UGGT1: variants seen among roughly 807,000 people sequenced by gnomAD.
UGGT1 encodes UDP-glucose:glycoprotein glucosyltransferase 1.
In UGGT1, 107 loss-of-function variants were observed where a neutral mutation model predicts 203.9. The ratio of observed to expected loss-of-function variants is 0.52; its 90% CI spans 0.45 to 0.62. The LOEUF (loss-of-function observed/expected upper bound fraction) is 0.62, where lower values mean the gene tolerates loss of function less well. UGGT1 is among the 20% of genes least tolerant of loss of function. The pLI, the probability that UGGT1 is intolerant of heterozygous loss-of-function variation, is 0.00. For missense variants in UGGT1, 1,673 were observed against 1,867.2 expected, an observed-to-expected ratio of 0.90 and a Z score of 1.92; for synonymous variants, 628 against 653.5, an observed-to-expected ratio of 0.96 and a Z score of 0.59.
At chr2:128,121,634 T>C (rs1236414256) in intron 10 of UGGT1, among the ~76,000 whole-genome samples, 3 of 152,156 alleles carry the variant, frequency 2.0e-5, no homozygotes, top group Non-Finnish European at 2.9e-5. Context: ...CTTGAATGCC[T>C]GACCTCAAGT....
chr2:128,174,742 A>G, intron 30 of UGGT1, 31 bp from the exon 31 acceptor site: 1 of 1,560,678 alleles, frequency 6.4e-7, no homozygotes, highest in East Asian at 2.2e-5. Context: ...TGTTTTGAAG[A>G]GAGCTAACTG....
At chr2:128,188,323 C>T (rs973885452) in intron 40 of UGGT1, among the ~76,000 whole-genome samples, 23 of 152,102 alleles carry the variant, frequency 1.5e-4, no homozygotes, top group Admixed American at 1.1e-3. Context: ...GGATTACAGA[C>T]GTGAGGCACT....
chr2:128,130,168 A>G (rs1010246020), intron 13 of UGGT1, among the ~76,000 whole-genome samples: 30 of 151,828 alleles, frequency 2.0e-4, no homozygotes, highest in African/African-American at 7.2e-4. Context: ...AGGCTGAGGC[A>G]GGAGAATTGC....
chr2:128,167,947 C>T (rs1558813285), intron 26 of UGGT1, among the ~76,000 whole-genome samples: 2 of 152,172 alleles, frequency 1.3e-5, no homozygotes, highest in Non-Finnish European at 2.9e-5. Context: ...CTGGTGTGGG[C>T]AGGCATGACC....
chr2:128,170,626 T>G (rs1691046593), intron 27 of UGGT1, among the ~76,000 whole-genome samples: 1 of 152,206 alleles, frequency 6.6e-6, no homozygotes, highest in Non-Finnish European at 1.5e-5. Context: ...AAAAAGTGAT[T>G]AACATCCTCA....
rs529555403 is a variant in UGGT1 at position 128,132,529 on chromosome 2, T to C, written c.1378-612T>C. 1.0e-3 allele frequency among the ~76,000 whole-genome samples: 153 copies of C among 152,314 alleles called. 1 individual carries two copies. In the Middle Eastern group the frequency reaches 0.014, roughly 14 times the overall value. On this transcript the variant is annotated intron_variant, in intron 13 of 40. Transcript: ENST00000259253. ...CTCCACTGCACTTCAGCCTCGTCAATAGAGAGACTTCATCTCAAAAACAAA... is the reference window on the plus strand; with the variant it reads ...CTCCACTGCACTTCAGCCTCGTCAACAGAGAGACTTCATCTCAAAAACAAA...
At position 128,173,843 on chromosome 2, in the gene UGGT1, C is replaced by T. The variant is rs201801379; in HGVS notation, c.3357C>T (p.Tyr1119=). 81 of 1,614,148 alleles carry T rather than the reference C, an allele frequency of 5.0e-5. No homozygotes were observed. The Admixed American group carries it at 1.1e-3, about 23-fold the overall frequency. The change falls in exon 30 of 41, where the codon TAC becomes TAT. Residue 1119 remains tyrosine (Y), a synonymous_variant. Transcript: ENST00000259253. ...LEYLLLEGHC[Y]DITTGQPPRG... ...ACCTGTTACTGGAAGGTCATTGCTACGACATCACCACAGGCCAGCCTCCAC... is the reference window on the plus strand; with the variant it reads ...ACCTGTTACTGGAAGGTCATTGCTATGACATCACCACAGGCCAGCCTCCAC...
At chr2:128,141,322 C>T (rs544337970) in intron 16 of UGGT1, among the ~76,000 whole-genome samples, 49 of 151,724 alleles carry the variant, frequency 3.2e-4, no homozygotes, top group African/African-American at 1.1e-3. Flanking sequence ...GGGCCGGGCA[C>T]GGTGGCTCAT....
chr2:128,091,376 G>C lies in UGGT1; in HGVS notation c.19G>C (p.Ala7Pro). Residue 7 changes from alanine (A) to proline (P), a missense_variant, in exon 1 of 41, where the codon GCG (alanine) becomes CCG (proline). Transcript: ENST00000259253. ...CCCGGGCATGGGCTGCAAGGGAGAC[G>C]CGAGCGGTGCGTGTGCCGCGGGTGC... MGCKGD[A>P]SGACAAGALP... 1 of 1,573,582 alleles carries C rather than the reference G, an allele frequency of 6.4e-7. No homozygotes were observed. The highest frequency in any genetic ancestry group is 1.2e-5 in the South Asian group (1 of 85,768).
intron 32 of UGGT1, among the ~76,000 whole-genome samples, chr2:128,177,242 T>G (rs1691443781): frequency 6.6e-6 from 1 of 152,190 alleles, no homozygotes; most frequent in South Asian, 2.1e-4. Flanking sequence ...AAAATGATAG[T>G]CCTATTTAAT....
intron 3 of UGGT1, among the ~76,000 whole-genome samples, chr2:128,107,603 A>G (rs534921681): frequency 4.5e-4 from 68 of 152,360 alleles, no homozygotes; most frequent in African/African-American, 1.6e-3. Context: ...TAACTGGTCC[A>G]TTGAAGCATG....
chr2:128,139,872 A>C (rs1689321901), intron 16 of UGGT1: 1 of 153,644 alleles, frequency 6.5e-6, no homozygotes, highest in South Asian at 1.9e-4. Flanking sequence ...GCTGCAGAGC[A>C]TGAAGGCAAT....
intron 13 of UGGT1, among the ~76,000 whole-genome samples, chr2:128,132,502 T>A (rs1264441460): frequency 2.6e-5 from 4 of 152,190 alleles, no homozygotes; most frequent in Non-Finnish European, 5.9e-5. Context: ...GAGCCGAGAT[T>A]GCTCCACTGC....
intron 16 of UGGT1, among the ~76,000 whole-genome samples, chr2:128,141,520 G>A (rs1401238570): frequency 1.3e-5 from 2 of 151,996 alleles, no homozygotes; most frequent in African/African-American, 4.8e-5. Flanking sequence ...CAGGAGAATG[G>A]CATGAACCTG....
intron 18 of UGGT1, among the ~76,000 whole-genome samples, chr2:128,148,286 A>AG (rs1689787535): frequency 6.6e-6 from 1 of 151,952 alleles, no homozygotes; most frequent in Non-Finnish European, 1.5e-5. Flanking sequence ...CTAATTTCAG[A>AG]ACATTGGTCT....
chr2:128,144,674 C>G (rs1689594400), intron 17 of UGGT1, among the ~76,000 whole-genome samples: 1 of 152,060 alleles, frequency 6.6e-6, no homozygotes, highest in Non-Finnish European at 1.5e-5. Flanking sequence ...TTGAACCAAC[C>G]TAGAAGGCTT....
rs550126417 is a variant in UGGT1, at chr2:128,150,143, AG to A, written c.2017-2640del. Among the ~76,000 whole-genome samples the A allele has an allele frequency of 2.6e-3, 398 of 152,270 alleles. 2 individuals carry two copies. Among genetic ancestry groups the A allele is most frequent in the African/African-American group, 9.3e-3 (387 of 41,548 alleles). On this transcript the variant is annotated intron_variant, in intron 18 of 40. Coordinates refer to ENST00000259253, the MANE Select transcript of UGGT1 (RefSeq NM_020120.4). The stretch of plus-strand genomic sequence containing the variant: ...AATTTGAACTAAATGCACTACAAAA[AG>A]ATGTGTTATCAGCCAGTTGTGGTGG...
intron 12 of UGGT1, among the ~76,000 whole-genome samples, chr2:128,128,520 G>A (rs1486227120): frequency 6.6e-6 from 1 of 151,936 alleles, no homozygotes; most frequent in South Asian, 2.1e-4. Context: ...CACCATGTTG[G>A]CCAGGCTGGT....
At chr2:128,170,520 G>T in intron 27 of UGGT1, 130 bp downstream of exon 27, 1 of 695,022 alleles carries the variant, frequency 1.4e-6, no homozygotes. Flanking sequence ...GGGTTCTAGG[G>T]CAGAGCAATC....
Sources: allele counts gnomAD v4.1 joint callset (sites outside exome capture counted in the v4.1 genomes callset), GRCh38; gene constraint gnomAD v4.1.1; transcripts MANE v1.5; gene names NCBI Gene and HGNC (gene_info 2026-07-23, HGNC 2026-07-21).